The following TMTC2 variants were observed in gnomAD, a reference collection of about 807,000 sequenced individuals.
The protein encoded by TMTC2 is protein O-mannosyl-transferase TMTC2.
TMTC2 carries 43 observed loss-of-function variants against 82.4 expected under a neutral mutation model. The observed-to-expected ratio is 0.52, with a 90% CI of 0.41 to 0.67. The LOEUF is 0.67. TMTC2 is among the 30% of genes least tolerant of loss of function. The pLI is 0.00. For missense variants in TMTC2, 919 were observed against 1,012.4 expected (o/e 0.91, Z 1.25); for synonymous variants, 408 against 381.9 (o/e 1.07, Z -0.80).
At chr12:83,006,746 A>G (rs1294665430) in intron 8 of TMTC2, among the ~76,000 whole-genome samples, 1 of 152,206 alleles carries the variant, frequency 6.6e-6, no homozygotes. Context: ...AATGTGGCAC[A>G]TATATACCAT....
chr12:83,036,998 G>A (rs1306356891), intron 9 of TMTC2, among the ~76,000 whole-genome samples: 2 of 152,090 alleles, frequency 1.3e-5, no homozygotes, highest in African/African-American at 4.8e-5. Context: ...ACCACTATAA[G>A]GGCACCAAGC....
rs1188155337 is a variant in TMTC2 at position 83,033,518 on chromosome 12, C to T, written c.2152+2639C>T. On this transcript the variant is annotated intron_variant, in intron 9 of 11. Transcript: ENST00000321196. ...CTGCAATCCCAGCACTTTGGGAGGC[C>T]GAGGCGGGCAGATCACTAGGTCAGG... Among the ~76,000 whole-genome samples the T allele has an allele frequency of 6.6e-5, 10 of 152,104 alleles. No individual in the cohort carries two copies. In the East Asian group the frequency reaches 1.2e-3, roughly 18 times the overall value.
chr12:83,011,462 G>A (rs757723050), intron 8 of TMTC2, among the ~76,000 whole-genome samples: 10 of 152,274 alleles, frequency 6.6e-5, no homozygotes, highest in Non-Finnish European at 1.0e-4. Flanking sequence ...CTTGATAGTC[G>A]TTAACCATTA....
intron 2 of TMTC2, among the ~76,000 whole-genome samples, chr12:82,865,692 A>C (rs1871810111): frequency 6.6e-6 from 1 of 152,148 alleles, no homozygotes; most frequent in South Asian, 2.1e-4. Context: ...CTTCACCCCA[A>C]ATCAACAGAA....
intron 1 of TMTC2, among the ~76,000 whole-genome samples, chr12:82,773,214 C>G (rs1201212420): frequency 1.3e-5 from 2 of 152,146 alleles, no homozygotes; most frequent in African/African-American, 2.4e-5. Context: ...ACTACAGCTT[C>G]TATGTCTTTT....
intron 7 of TMTC2, among the ~76,000 whole-genome samples, chr12:82,982,543 A>G (rs1323513089): frequency 6.6e-6 from 1 of 151,336 alleles, no homozygotes; most frequent in Non-Finnish European, 1.5e-5. Context: ...CATATTCTAG[A>G]CTTAGAACTA....
intron 1 of TMTC2, among the ~76,000 whole-genome samples, chr12:82,752,825 C>G (rs1454732218): frequency 6.6e-6 from 1 of 152,002 alleles, no homozygotes; most frequent in Non-Finnish European, 1.5e-5. Flanking sequence ...GGTTTAGCAA[C>G]ACATTGAGTC....
rs377283872 is a variant in TMTC2 at position 82,986,056 on chromosome 12, C to T, written c.2070+10C>T. On this transcript the variant is annotated intron_variant, in intron 8 of 11. Coordinates refer to ENST00000321196, the MANE Select transcript of TMTC2 (RefSeq NM_152588.3). ...GCTGCTAGCTCTAACAGTGAGTAAC[C>T]GCCTTCCTTGGTCTTTAAAACTTGG... 1.1e-4 allele frequency: 181 copies of T among 1,613,722 alleles called. No individual in the cohort carries two copies. The highest frequency in any genetic ancestry group is 1.4e-4 in the Non-Finnish European group (166 of 1,179,832).
intron 2 of TMTC2, among the ~76,000 whole-genome samples, chr12:82,893,274 G>A (rs1032433877): frequency 2.0e-5 from 3 of 151,708 alleles, no homozygotes; most frequent in Non-Finnish European, 4.4e-5. Context: ...GCAAAGCTGA[G>A]GCAGGAGGAT....
chr12:82,858,839 C>T (rs1429012446), intron 2 of TMTC2, among the ~76,000 whole-genome samples: 2 of 152,124 alleles, frequency 1.3e-5, no homozygotes, highest in Non-Finnish European at 2.9e-5. Flanking sequence ...GAAAGTCAAG[C>T]TCTTAATTTC....
intron 11 of TMTC2, among the ~76,000 whole-genome samples, chr12:83,066,005 A>G (rs1882903807): frequency 6.6e-6 from 1 of 151,968 alleles, no homozygotes. Context: ...CTTATTTTTT[A>G]TCAAGTTCCA....
At chr12:82,689,361 A>C (rs563911391) in intron 1 of TMTC2, among the ~76,000 whole-genome samples, 96 of 152,180 alleles carry the variant, frequency 6.3e-4, no homozygotes, top group Non-Finnish European at 9.1e-4. Context: ...CACTAAAACC[A>C]CCTTGGGTCA....
rs530121113 is a variant in TMTC2, at chr12:83,061,180, G to A, written c.2268-588G>A. On this transcript the variant is annotated intron_variant, in intron 10 of 11. Transcript: ENST00000321196. ...CTTAGGAATGAAAGTCCTAAGTAACGAGAACATCCATTTAGCTGAGGTTAA... is the reference window on the plus strand; with the variant it reads ...CTTAGGAATGAAAGTCCTAAGTAACAAGAACATCCATTTAGCTGAGGTTAA... 6.6e-4 allele frequency among the ~76,000 whole-genome samples: 100 copies of A among 151,878 alleles called. 1 individual carries two copies. Among genetic ancestry groups the A allele is most frequent in the Non-Finnish European group, 9.3e-4 (63 of 67,802 alleles).
intron 8 of TMTC2, among the ~76,000 whole-genome samples, chr12:82,996,837 T>C (rs977256439): frequency 1.3e-5 from 2 of 152,180 alleles, no homozygotes; most frequent in African/African-American, 4.8e-5. Flanking sequence ...TGAGATGAAA[T>C]AGCAATAGCT....
At chr12:82,870,216 C>T (rs1479491534) in intron 2 of TMTC2, among the ~76,000 whole-genome samples, 1 of 152,010 alleles carries the variant, frequency 6.6e-6, no homozygotes, top group Non-Finnish European at 1.5e-5. Flanking sequence ...TTTTTGTTCC[C>T]TTCCTCCCAG....
intron 3 of TMTC2, among the ~76,000 whole-genome samples, chr12:82,911,939 G>C (rs1024516019): frequency 2.0e-5 from 3 of 152,128 alleles, no homozygotes; most frequent in African/African-American, 7.2e-5. Context: ...ACAGTACCTA[G>C]AAGGAAATTT....
At chr12:82,941,648 G>A (rs907346877) in intron 4 of TMTC2, among the ~76,000 whole-genome samples, 5 of 152,112 alleles carry the variant, frequency 3.3e-5, no homozygotes, top group Non-Finnish European at 7.4e-5. Flanking sequence ...TATTATATAT[G>A]TCTTTGAAAC....
intron 4 of TMTC2, among the ~76,000 whole-genome samples, chr12:82,954,001 G>A (rs1023422471): frequency 1.3e-4 from 20 of 152,084 alleles, no homozygotes; most frequent in African/African-American, 4.3e-4. Context: ...ATTGTTATCT[G>A]ACTTATTTTG....
At chr12:82,950,383 T>G (rs1412061839) in intron 4 of TMTC2, among the ~76,000 whole-genome samples, 1 of 152,150 alleles carries the variant, frequency 6.6e-6, no homozygotes, top group African/African-American at 2.4e-5. Flanking sequence ...TGGAAGAAAA[T>G]GTAGTCTTAG....
Sources: gnomAD v4.1 joint callset for allele counts (sites outside exome capture counted in the v4.1 genomes callset) on GRCh38, gnomAD v4.1.1 for gene constraint, MANE v1.5 for transcripts, NCBI Gene and HGNC (gene_info 2026-07-23, HGNC 2026-07-21) for gene names.